The following CNTNAP3B variants were observed in gnomAD, a reference collection of about 807,000 sequenced individuals.
CNTNAP3B encodes the protein contactin-associated protein-like 3B.
A neutral mutation model predicts 108.9 loss-of-function variants in CNTNAP3B; 25 were observed. The ratio of observed to expected loss-of-function variants is 0.23; its 90% CI spans 0.17 to 0.32. CNTNAP3B has a LOEUF of 0.32. Ranked by LOEUF, CNTNAP3B falls within the 10% of genes least tolerant of loss-of-function variation. CNTNAP3B has a pLI of 1.00. For missense variants in CNTNAP3B, 252 were observed against 1,210.4 expected (o/e 0.21, Z 11.75); for synonymous variants, 103 against 473.4 (o/e 0.22, Z 10.16).
At chr9:42,029,019 A>G (rs1231590038) in intron 3 of CNTNAP3B, among the ~76,000 whole-genome samples, 11 of 149,454 alleles carry the variant, frequency 7.4e-5, no homozygotes, top group Admixed American at 3.3e-4. Context: ...AATGCTTACT[A>G]TGCATGAAAA....
chr9:42,107,149 A>G lies in CNTNAP3B; in HGVS notation c.86-2410T>C, dbSNP rs909430810. Among the ~76,000 whole-genome samples, 142 of 84,490 alleles carry G rather than the reference A, an allele frequency of 1.7e-3. 34 individuals carry two copies. The highest frequency in any genetic ancestry group is 6.4e-3 in the African/African-American group (140 of 21,808). The allele number at this position is 84,490 out of a possible 152,430, so 55.4% of individuals were successfully genotyped here. A position where few individuals can be genotyped will look rare whatever the true frequency, so the allele number is the denominator to read the frequency against. On this transcript the variant is annotated intron_variant, in intron 1 of 23. Coordinates refer to ENST00000377561, the MANE Select transcript of CNTNAP3B (RefSeq NM_001201380.3). The stretch of plus-strand genomic sequence containing the variant: ...CATGTCTAACTCTCTCTGTGGAATC[A>G]TGAGCTCTTGAAGGCACAATAAAAG...
At chr9:41,955,741 A>G (rs62536488) in intron 12 of CNTNAP3B, among the ~76,000 whole-genome samples, 1,536 of 151,836 alleles carry the variant, frequency 0.01, no homozygotes, top group South Asian at 0.038. Context: ...GCCCAGAAGG[A>G]GGGTAACTGT....
rs1442430206 is a variant in CNTNAP3B at position 41,962,554 on chromosome 9, T to C, written c.1757-1662A>G. On this transcript the variant is annotated intron_variant, in intron 11 of 23. Transcript: ENST00000377561. Reference sequence around the variant, plus strand: ...CTGCTTTTAGGTAAGATACTATGCCTGGAGGATGAAAGATACACAGAAGTA... The same window carrying C: ...CTGCTTTTAGGTAAGATACTATGCCCGGAGGATGAAAGATACACAGAAGTA... Among the ~76,000 whole-genome samples, 5 of 146,336 alleles carry C rather than the reference T, an allele frequency of 3.4e-5. No homozygotes were observed. In the East Asian group the frequency reaches 6.0e-4, roughly 17 times the overall value.
intron 3 of CNTNAP3B, among the ~76,000 whole-genome samples, chr9:42,061,382 A>C (rs1362895234): frequency 7.9e-6 from 1 of 127,122 alleles, no homozygotes. Flanking sequence ...CAGTGGCACG[A>C]GCTTGGCTCA....
In CNTNAP3B at chr9:42,122,674, A is replaced by G. The variant is rs1828488780; in HGVS notation, c.85+6336T>C. ...TGTGCAGTTCTTAAAGATGAGAATC[A>G]TCAAACATATTTCTATTACAGAGAT... On this transcript the variant is annotated intron_variant, in intron 1 of 23. Coordinates refer to ENST00000377561, the MANE Select transcript of CNTNAP3B (RefSeq NM_001201380.3). Among the ~76,000 whole-genome samples the G allele has an allele frequency of 1.4e-5, 2 of 141,272 alleles. 1 individual carries two copies. The highest frequency in any genetic ancestry group is 5.5e-5 in the African/African-American group (2 of 36,060). The allele number at this position is 141,272 out of a possible 152,430, so 92.7% of individuals were successfully genotyped here.
rs1231110356 is a variant in CNTNAP3B, at chr9:42,114,992, T to C, written c.86-10253A>G. On this transcript the variant is annotated intron_variant, in intron 1 of 23. Coordinates refer to ENST00000377561, the MANE Select transcript of CNTNAP3B (RefSeq NM_001201380.3). ...TCACTGGAACCCGGGAGGTGGAGGT[T>C]GCAGTGAGCCAAGATTGTGCCACTG... 1.5e-5 allele frequency among the ~76,000 whole-genome samples: 2 copies of C among 136,604 alleles called. 1 individual carries two copies. Among genetic ancestry groups the C allele is most frequent in the Non-Finnish European group, 3.1e-5 (2 of 64,268 alleles). 89.6% of individuals were successfully genotyped at this position (136,604 alleles called of 152,430 possible).
At chr9:42,061,317 C>CTT (rs57755649) in intron 3 of CNTNAP3B, among the ~76,000 whole-genome samples, 69 of 93,038 alleles carry the variant, frequency 7.4e-4, no homozygotes, top group Middle Eastern at 6.3e-3. Context: ...TTTTCTTTTT[C>CTT]TTTTTTTTTT....
At chr9:42,041,634 T>C (rs1826756696) in intron 3 of CNTNAP3B, among the ~76,000 whole-genome samples, 1 of 144,292 alleles carries the variant, frequency 6.9e-6, no homozygotes, top group African/African-American at 2.7e-5. Flanking sequence ...TTTTGCACTG[T>C]TGGTGGGACT....
intron 12 of CNTNAP3B, among the ~76,000 whole-genome samples, chr9:41,956,287 G>A (rs1035034491): frequency 4.6e-5 from 7 of 151,538 alleles, no homozygotes; most frequent in African/African-American, 1.7e-4. Context: ...CGGGGAGGCC[G>A]AGGCAGAAGA....
intron 14 of CNTNAP3B, among the ~76,000 whole-genome samples, chr9:41,936,009 C>T (rs1368722259): frequency 6.6e-6 from 1 of 152,248 alleles, no homozygotes; most frequent in Admixed American, 6.5e-5. Flanking sequence ...GGTTACTGCC[C>T]TAAGCATACG....
intron 2 of CNTNAP3B, among the ~76,000 whole-genome samples, chr9:42,097,860 G>A (rs1827940978): frequency 2.2e-5 from 3 of 137,884 alleles, no homozygotes; most frequent in South Asian, 4.7e-4. Context: ...ACTTTGCTAA[G>A]CATTTATTTA....
At chr9:41,914,182 T>TTTTA (rs1192435938) in intron 18 of CNTNAP3B, among the ~76,000 whole-genome samples, 19 of 72,330 alleles carry the variant, frequency 2.6e-4, no homozygotes, top group East Asian at 1.7e-3. Context: ...TATTTTCTGT[T>TTTTA]TTTATTTATT....
intron 9 of CNTNAP3B, chr9:41,979,983 G>A (rs1281929567): frequency 6.4e-4 from 59 of 92,038 alleles, no homozygotes; most frequent in African/African-American, 2.9e-3. Context: ...CATTGTCCAA[G>A]GGTTTAGAAC....
chr9:42,072,852 A>T (rs1827404333), intron 3 of CNTNAP3B, among the ~76,000 whole-genome samples: 2 of 123,594 alleles, frequency 1.6e-5, no homozygotes, highest in Admixed American at 1.6e-4. Flanking sequence ...TTAGATTCAG[A>T]TTCATTTCAT....
At chr9:41,966,593 CA>C (rs1344052449) in intron 10 of CNTNAP3B, among the ~76,000 whole-genome samples, 289 of 152,038 alleles carry the variant, frequency 1.9e-3, no homozygotes, top group Non-Finnish European at 2.8e-3. Context: ...CACAGGACTC[CA>C]CTGGAAGCTC....
At chr9:42,111,160 G>T (rs1341131233) in intron 1 of CNTNAP3B, among the ~76,000 whole-genome samples, 1 of 139,094 alleles carries the variant, frequency 7.2e-6, no homozygotes, top group Non-Finnish European at 1.5e-5. Flanking sequence ...TTCCAGGATG[G>T]TCAGGAAGCC....
In CNTNAP3B at chr9:42,044,547, G is replaced by A. The variant is rs576659722; in HGVS notation, c.391-31022C>T. 2.7e-3 allele frequency among the ~76,000 whole-genome samples: 274 copies of A among 103,338 alleles called. 16 individuals are homozygous for A. The highest frequency in any genetic ancestry group is 4.7e-3 in the Non-Finnish European group (227 of 47,794). The allele number at this position is 103,338 out of a possible 152,430, so 67.8% of individuals were successfully genotyped here. On this transcript the variant is annotated intron_variant, in intron 3 of 23. Coordinates refer to ENST00000377561, the MANE Select transcript of CNTNAP3B (RefSeq NM_001201380.3). ...AGGATGTTTATTAAACCAGAACACC[G>A]GCACTCCCTGGGCTAGGAAACAAGG...
chr9:41,925,655 G>C (rs1823798245), intron 15 of CNTNAP3B, among the ~76,000 whole-genome samples: 2 of 152,292 alleles, frequency 1.3e-5, no homozygotes, highest in Admixed American at 6.5e-5. Flanking sequence ...TAATTTATTT[G>C]TGTATTTATC....
chr9:41,924,921 A>T (rs1823772120), intron 15 of CNTNAP3B, among the ~76,000 whole-genome samples: 2 of 152,196 alleles, frequency 1.3e-5, no homozygotes, highest in Admixed American at 6.5e-5. Context: ...TTTGTCTGAC[A>T]TACTCATGAT....
Sources: allele counts gnomAD v4.1 joint callset (sites outside exome capture counted in the v4.1 genomes callset), GRCh38; gene constraint gnomAD v4.1.1; transcripts MANE v1.5; gene names NCBI Gene and HGNC (gene_info 2026-07-23, HGNC 2026-07-21).